ST3GAL1: variants seen among roughly 807,000 people sequenced by gnomAD.
The protein encoded by ST3GAL1 is CMP-N-acetylneuraminate-beta-galactosamide-alpha-2,3-sialyltransferase 1.
Under a neutral mutation model 34.1 loss-of-function variants are expected in ST3GAL1, and 16 were observed. That is an observed-to-expected ratio of 0.47 (90% CI 0.32 to 0.71). The LOEUF (loss-of-function observed/expected upper bound fraction) is 0.71. Among genes scored for constraint, ST3GAL1 ranks in the 30% least tolerant of loss-of-function variants. The pLI, the probability that ST3GAL1 is intolerant of heterozygous loss-of-function variation, is 0.04. For missense variants in ST3GAL1, 353 were observed against 447.4 expected (o/e 0.79, Z 1.90); for synonymous variants, 191 against 184.7 (o/e 1.03, Z -0.28).
chr8:133,547,925 T>C (rs961840916), intron 1 of ST3GAL1, among the ~76,000 whole-genome samples: 1 of 152,088 alleles, frequency 6.6e-6, no homozygotes, highest in Admixed American at 6.5e-5. Context: ...ATTCAAGAGC[T>C]CTTTTAGAGG....
At chr8:133,564,247 A>G (rs758343861) in intron 1 of ST3GAL1, among the ~76,000 whole-genome samples, 2 of 152,182 alleles carry the variant, frequency 1.3e-5, no homozygotes, top group South Asian at 2.1e-4. Context: ...CCTTAGCACA[A>G]AAAAAGGCAG....
chr8:133,557,117 T>C (rs1819060269), intron 1 of ST3GAL1, among the ~76,000 whole-genome samples: 1 of 152,126 alleles, frequency 6.6e-6, no homozygotes, highest in African/African-American at 2.4e-5. Context: ...CAAAGCCTGA[T>C]TAGACAGTGA....
In ST3GAL1 at chr8:133,459,497, C is replaced by T; in HGVS notation, c.*267G>A. 2.9e-6 allele frequency: 1 copy of T among 345,328 alleles called. No individual in the cohort carries two copies. The highest frequency in any genetic ancestry group is 5.2e-6 in the Non-Finnish European group (1 of 191,840). The allele number at this position is 345,328 out of a possible 1,614,324, so 21.4% of individuals were successfully genotyped here. On this transcript the variant is annotated 3_prime_UTR_variant, in exon 10 of 10. Transcript: ENST00000522652. The surrounding 1 kb of genome is among the most constrained non-coding windows in gnomAD (Gnocchi z 4.7). ...TTAGTGTGTGGAGGTTGAACCTTTC[C>T]CAGCGTCTCCCCAGCTCTAGGGCAG... is the stretch of plus-strand genomic sequence containing the variant.
intron 2 of ST3GAL1, among the ~76,000 whole-genome samples, chr8:133,521,513 C>T (rs1409323274): frequency 6.6e-6 from 1 of 152,124 alleles, no homozygotes; most frequent in African/African-American, 2.4e-5. Context: ...TGGCCAGGCT[C>T]GTCTCAAACT....
At position 133,466,052 on chromosome 8, in the gene ST3GAL1, G is replaced by A; in HGVS notation, c.345C>T (p.Asp115=). 1 of 1,613,980 alleles carries A rather than the reference G, an allele frequency of 6.2e-7. No individual in the cohort carries two copies. The highest frequency in any genetic ancestry group is 8.5e-7 in the Non-Finnish European group (1 of 1,179,870). The change falls in exon 6 of 10, where the codon GAC becomes GAT. Residue 115 remains aspartate (D), a synonymous_variant. Transcript: ENST00000522652. This position sits in a 1 kb window ranked among gnomAD's most constrained non-coding sequence, Gnocchi z 4.4. The part of the protein sequence containing the change: ...QREKKPNNLN[D]TIKELFRVVP... ...CCACTCTGAACAGCTCCTTGATGGT[G>A]TCATTCAAGTTATTGGGCTTCTTCT...
At chr8:133,541,459 C>T (rs1040718174) in intron 2 of ST3GAL1, among the ~76,000 whole-genome samples, 3 of 152,086 alleles carry the variant, frequency 2.0e-5, no homozygotes, top group Non-Finnish European at 4.4e-5. Context: ...GGACAGCAGT[C>T]CTGCATCCCC....
intron 8 of ST3GAL1, 70 bp downstream of exon 8, chr8:133,463,344 C>A (rs375387859): frequency 2.5e-6 from 4 of 1,575,434 alleles, no homozygotes; most frequent in Non-Finnish European, 3.5e-6. Flanking sequence ...AACTCAATGC[C>A]GTACCTTAGA....
At chr8:133,495,794 A>G (rs1427909158) in intron 3 of ST3GAL1, among the ~76,000 whole-genome samples, 1 of 152,174 alleles carries the variant, frequency 6.6e-6, no homozygotes, top group Non-Finnish European at 1.5e-5. Context: ...GCTCGTCATG[A>G]CACTTAGTGG....
chr8:133,473,350 C>T (rs1448537057), intron 5 of ST3GAL1, among the ~76,000 whole-genome samples: 8 of 152,166 alleles, frequency 5.3e-5, no homozygotes, highest in African/African-American at 1.9e-4. Context: ...GTTTCAGTTT[C>T]CTTGTCTGTA....
intron 1 of ST3GAL1, among the ~76,000 whole-genome samples, chr8:133,554,541 G>A (rs147733499): frequency 9.1e-4 from 138 of 152,120 alleles, no homozygotes; most frequent in African/African-American, 2.9e-3. Flanking sequence ...CTAGGATTGC[G>A]CTGACTGCCC....
At chr8:133,541,006 G>A (rs1818491508) in intron 2 of ST3GAL1, among the ~76,000 whole-genome samples, 1 of 125,412 alleles carries the variant, frequency 8.0e-6, no homozygotes, top group Non-Finnish European at 1.7e-5. Flanking sequence ...TATATATATA[G>A]ACATATATAT....
At chr8:133,495,056 C>T (rs1362781126) in intron 3 of ST3GAL1, among the ~76,000 whole-genome samples, 13 of 151,554 alleles carry the variant, frequency 8.6e-5, no homozygotes, top group Non-Finnish European at 1.5e-5. Flanking sequence ...GTAGCTGGGA[C>T]TACAGGTGTG....
In ST3GAL1 at chr8:133,570,490, A is replaced by G. The variant is rs908908300; in HGVS notation, c.-582+1203T>C. The G allele has an allele frequency of 1.3e-5, 2 of 151,336 alleles. No individual in the cohort carries two copies. Among genetic ancestry groups the G allele is most frequent in the Non-Finnish European group, 1.5e-5 (1 of 67,970 alleles). 9.4% of individuals were successfully genotyped at this position (151,336 alleles called of 1,614,324 possible). ...CCCAACACACCACCGAGCCCCGCGC[A>G]TGGTACGGCCGCCGAGGACCCTAGC... On this transcript the variant is annotated intron_variant, in intron 1 of 9. Coordinates refer to ENST00000522652, the MANE Select transcript of ST3GAL1 (RefSeq NM_173344.3). This position sits in a 1 kb window ranked among gnomAD's most constrained non-coding sequence, Gnocchi z 5.6.
chr8:133,519,220 G>C (rs1817729991), intron 2 of ST3GAL1, among the ~76,000 whole-genome samples: 1 of 152,174 alleles, frequency 6.6e-6, no homozygotes, highest in Non-Finnish European at 1.5e-5. Context: ...AAAATTAGAA[G>C]ACACTGTGAT....
At chr8:133,543,922 A>T (rs1316077277) in intron 2 of ST3GAL1, 1 of 152,220 alleles carries the variant, frequency 6.6e-6, no homozygotes, top group Non-Finnish European at 1.5e-5. Flanking sequence ...CATTGTTTGA[A>T]GGTTTGTTAT....
At chr8:133,538,517 A>T (rs1024654612) in intron 2 of ST3GAL1, among the ~76,000 whole-genome samples, 7 of 152,212 alleles carry the variant, frequency 4.6e-5, no homozygotes, top group Non-Finnish European at 7.3e-5. Context: ...TCCATCTCAA[A>T]AAATAAATAA....
At chr8:133,465,048 G>T in intron 6 of ST3GAL1, 91 bp from the exon 7 acceptor site, 2 of 1,345,296 alleles carry the variant, frequency 1.5e-6, no homozygotes, top group Non-Finnish European at 2.0e-6. Flanking sequence ...CCTCCAGTGT[G>T]ACTTCAGGGG....
intron 2 of ST3GAL1, among the ~76,000 whole-genome samples, chr8:133,538,032 G>A (rs1818357036): frequency 1.3e-5 from 2 of 152,186 alleles, no homozygotes; most frequent in Admixed American, 1.3e-4. Flanking sequence ...GCAGGGAGGG[G>A]CTGCATTTGA....
Position 133,465,893 on chromosome 8 carries a change from C to T in ST3GAL1, c.503+1G>A. 1.2e-6 allele frequency: 2 copies of T among 1,613,086 alleles called. No individual in the cohort carries two copies. The highest frequency in any genetic ancestry group is 2.2e-5 in the East Asian group (1 of 44,854). On this transcript the variant is annotated splice_donor_variant, in intron 6 of 9. Transcript: ENST00000522652. LOFTEE classifies it high-confidence loss of function. ...GGCTTGGGAGAGGGTCTGGCACTCA[C>T]CTGAGGACAAAGTCGTGACTGTCTA...
Sources: allele counts gnomAD v4.1 joint callset (sites outside exome capture counted in the v4.1 genomes callset), GRCh38; gene constraint gnomAD v4.1.1; non-coding constraint Gnocchi (gnomAD v3.1); transcripts MANE v1.5; gene names NCBI Gene and HGNC (gene_info 2026-07-23, HGNC 2026-07-21).